Variants in HEG1 observed in about 807,000 individuals in gnomAD.
The protein encoded by HEG1 is protein HEG homolog 1.
Under a neutral mutation model 125.6 loss-of-function variants are expected in HEG1, and 56 were observed. The observed-to-expected ratio is 0.45, with a 90% CI of 0.36 to 0.56. The LOEUF (loss-of-function observed/expected upper bound fraction) is 0.56. Ranked by LOEUF, HEG1 falls within the 20% of genes least tolerant of loss-of-function variation. The probability of loss-of-function intolerance (pLI) is 0.00; values close to 1 mark genes in which losing one functional copy is unlikely to be tolerated. For missense variants in HEG1, 1,523 were observed against 1,670.0 expected (o/e 0.91, Z 1.53); for synonymous variants, 644 against 668.5 (o/e 0.96, Z 0.57).
At chr3:124,985,892 C>T (rs1936730537) in intron 14 of HEG1, among the ~76,000 whole-genome samples, 1 of 152,212 alleles carries the variant, frequency 6.6e-6, no homozygotes, top group Admixed American at 6.5e-5. Context: ...ATTATCCTGC[C>T]TCAGCCTCCC....
chr3:125,014,920 G>A (rs1345575184), intron 5 of HEG1: 4 of 1,289,776 alleles, frequency 3.1e-6, no homozygotes, highest in East Asian at 5.5e-5. Context: ...GCCAAGGTGT[G>A]GGTGCCGAGA....
Position 124,980,716 on chromosome 3 carries a change from G to T in HEG1, c.3734-2770C>A, listed in dbSNP as rs550380244. Among the ~76,000 whole-genome samples the T allele has an allele frequency of 3.3e-5, 5 of 152,036 alleles. No individual in the cohort carries two copies. The East Asian group carries it at 9.7e-4, about 29-fold the overall frequency. On this transcript the variant is annotated intron_variant, in intron 14 of 16. Coordinates refer to ENST00000311127, the MANE Select transcript of HEG1 (RefSeq NM_020733.2). ...GCATTTTTAGTAGAGACGGGGTTTCGCTATGTTGGCCAGGCTGGTCTCAAA... is the reference window on the plus strand; with the variant it reads ...GCATTTTTAGTAGAGACGGGGTTTCTCTATGTTGGCCAGGCTGGTCTCAAA...
At chr3:125,010,349 T>A (rs6784454) in intron 7 of HEG1, 90 bp downstream of exon 7, 1 of 725,150 alleles carries the variant, frequency 1.4e-6, no homozygotes. Flanking sequence ...AAACAGTGTA[T>A]TTGTCCACAT....
intron 9 of HEG1, among the ~76,000 whole-genome samples, chr3:125,005,045 CTG>C (rs1224888750): frequency 1.3e-5 from 2 of 152,218 alleles, no homozygotes; most frequent in Non-Finnish European, 2.9e-5. Context: ...CAGATAAAGA[CTG>C]TGCATGAGGA....
intron 1 of HEG1, among the ~76,000 whole-genome samples, chr3:125,031,773 CACACAT>C (rs1937506533): frequency 6.6e-6 from 1 of 151,296 alleles, no homozygotes; most frequent in African/African-American, 2.4e-5. Context: ...TACACATATA[CACACAT>C]ACACATACAC....
chr3:125,039,369 G>T (rs137949041), intron 1 of HEG1, among the ~76,000 whole-genome samples: 3 of 152,190 alleles, frequency 2.0e-5, no homozygotes, highest in African/African-American at 7.2e-5. Flanking sequence ...TTTTCAGTTT[G>T]CATTGTTTCT....
chr3:125,040,585 A>G (rs1937586207), intron 1 of HEG1, among the ~76,000 whole-genome samples: 1 of 152,200 alleles, frequency 6.6e-6, no homozygotes, highest in Admixed American at 6.5e-5. Context: ...ACCACAATCA[A>G]ATGAAAATAT....
chr3:125,028,984 A>T (rs1937456367), intron 2 of HEG1, among the ~76,000 whole-genome samples: 1 of 152,212 alleles, frequency 6.6e-6, no homozygotes, highest in Non-Finnish European at 1.5e-5. Flanking sequence ...TGGATCACAG[A>T]TACCACAGGA....
At chr3:124,978,917 T>C (rs1936600505) in intron 14 of HEG1, among the ~76,000 whole-genome samples, 1 of 151,872 alleles carries the variant, frequency 6.6e-6, no homozygotes, top group Non-Finnish European at 1.5e-5. Flanking sequence ...ATTTTTTGAG[T>C]TAATGGTGAT....
intron 12 of HEG1, among the ~76,000 whole-genome samples, chr3:124,994,779 T>C (rs1936891917): frequency 6.6e-6 from 1 of 152,198 alleles, no homozygotes; most frequent in Non-Finnish European, 1.5e-5. Context: ...GCTGGGATTA[T>C]AGGCGTGAGC....
At chr3:124,996,331 G>C (rs565861061) in intron 12 of HEG1, among the ~76,000 whole-genome samples, 1 of 152,058 alleles carries the variant, frequency 6.6e-6, no homozygotes, top group Non-Finnish European at 1.5e-5. Flanking sequence ...TGATCTGCCC[G>C]CCTCGGCCTC....
chr3:124,982,500 C>T (rs975798226), intron 14 of HEG1, among the ~76,000 whole-genome samples: 1 of 152,192 alleles, frequency 6.6e-6, no homozygotes, highest in East Asian at 1.9e-4. Flanking sequence ...GCTTGGAATT[C>T]TTAGTCCTAC....
At chr3:125,003,835 T>C (rs534670568) in intron 9 of HEG1, among the ~76,000 whole-genome samples, 1 of 152,358 alleles carries the variant, frequency 6.6e-6, no homozygotes, top group East Asian at 1.9e-4. Context: ...TCTCCCGGAC[T>C]CTCTGCCCCG....
At chr3:125,009,583 A>G (rs1937121221) in intron 8 of HEG1, 122 bp downstream of exon 8, 1 of 999,116 alleles carries the variant, frequency 1.0e-6, no homozygotes, top group Non-Finnish European at 1.4e-6. Context: ...ACTTTTTTCT[A>G]TATTCCTTAA....
At chr3:124,991,571 C>T (rs1184006261) in intron 12 of HEG1, among the ~76,000 whole-genome samples, 3 of 152,164 alleles carry the variant, frequency 2.0e-5, no homozygotes, top group Non-Finnish European at 4.4e-5. Flanking sequence ...TGGCTTAGTA[C>T]AGGTCTGGTA....
rs1456528844 is a variant in HEG1, at chr3:125,013,163, T to C, written c.2416A>G (p.Thr806Ala). The C allele has an allele frequency of 6.2e-7, 1 of 1,613,906 alleles. No individual in the cohort carries two copies. The highest frequency in any genetic ancestry group is 8.5e-7 in the Non-Finnish European group (1 of 1,179,892). Residue 806 changes from threonine to alanine, a missense_variant, in exon 6 of 17, where the codon ACC becomes GCC. Coordinates refer to ENST00000311127, the MANE Select transcript of HEG1 (RefSeq NM_020733.2). ...GGAGAGTTTGTTGTTACAGCTTTGG[T>C]GGACTCTGTGGGCAGAGACACCAGG... The part of the protein sequence containing the change: ...PSLVSLPTES[T>A]KAVTTNSPLP...
rs1409821104 is a variant in HEG1 at position 124,970,321 on chromosome 3, GA to G, written c.*330del. 4.7e-6 allele frequency: 1 copy of G among 214,706 alleles called. No individual in the cohort carries two copies. Among genetic ancestry groups the G allele is most frequent in the Non-Finnish European group, 9.2e-6 (1 of 109,170 alleles). 13.3% of individuals were successfully genotyped at this position (214,706 alleles called of 1,614,324 possible). ...CAATTTACTAAAGTGCAAACGAAGG[GA>G]AAACCAGGTCCCTGCACTGAAGTCT... On this transcript the variant is annotated 3_prime_UTR_variant, in exon 17 of 17. Transcript: ENST00000311127.
chr3:124,983,327 T>C (rs1936684282), intron 14 of HEG1, among the ~76,000 whole-genome samples: 1 of 144,772 alleles, frequency 6.9e-6, no homozygotes, highest in Non-Finnish European at 1.5e-5. Flanking sequence ...GGTTAGAATT[T>C]TGCCTTTTAT....
chr3:125,009,300 T>A (rs1218917997), intron 8 of HEG1, among the ~76,000 whole-genome samples: 1 of 152,040 alleles, frequency 6.6e-6, no homozygotes, highest in Non-Finnish European at 1.5e-5. Flanking sequence ...TTTTTTTTTT[T>A]ATTATGTGGT....
Sources: gnomAD v4.1 joint callset for allele counts (sites outside exome capture counted in the v4.1 genomes callset) on GRCh38, gnomAD v4.1.1 for gene constraint, MANE v1.5 for transcripts, NCBI Gene and HGNC (gene_info 2026-07-23, HGNC 2026-07-21) for gene names.